The following HAVCR1 variants were observed in gnomAD, a reference collection of about 807,000 sequenced individuals.
HAVCR1 encodes hepatitis A virus cellular receptor 1.
Under a neutral mutation model 32.0 loss-of-function variants are expected in HAVCR1, and 34 were observed. That is an observed-to-expected ratio of 1.06 (90% CI 0.81 to 1.42). HAVCR1 has a LOEUF of 1.42. Ranked by LOEUF, HAVCR1 falls within the 40% of genes most tolerant of loss-of-function variation. The pLI is 0.00. For synonymous variants in HAVCR1, 178 were observed against 170.3 expected, an observed-to-expected ratio of 1.05 and a Z score of -0.35; for missense variants, 420 against 442.3, an observed-to-expected ratio of 0.95 and a Z score of 0.45.
intron 6 of HAVCR1, among the ~76,000 whole-genome samples, chr5:157,039,079 C>T (rs1486071418): frequency 6.6e-6 from 1 of 152,190 alleles, no homozygotes; most frequent in African/African-American, 2.4e-5. Flanking sequence ...GTGATCGTGC[C>T]ACTGCACTCC....
chr5:157,047,005 A>G (rs1755439375), intron 5 of HAVCR1, among the ~76,000 whole-genome samples: 1 of 152,172 alleles, frequency 6.6e-6, no homozygotes, highest in Non-Finnish European at 1.5e-5. Flanking sequence ...ACATACATAT[A>G]TAGATAGATA....
At chr5:157,039,149 T>A (rs148892944) in intron 6 of HAVCR1, among the ~76,000 whole-genome samples, 86 of 152,250 alleles carry the variant, frequency 5.6e-4, no homozygotes, top group Non-Finnish European at 1.1e-3. Flanking sequence ...AACTTTAACA[T>A]CCAGAAATGA....
upstream of HAVCR1, among the ~76,000 whole-genome samples, chr5:157,063,761 T>G (rs180713609): frequency 5.5e-4 from 83 of 152,146 alleles, no homozygotes; most frequent in Middle Eastern, 3.4e-3. Context: ...GAGTTGCAAT[T>G]TTAAACAAGG....
At chr5:157,066,155 G>A in the HAVCR1 span, among the ~76,000 whole-genome samples, 2 of 150,946 alleles carry the variant, frequency 1.3e-5, no homozygotes, top group African/African-American at 4.9e-5. Flanking sequence ...GGTCCTAGAA[G>A]CCAAGTGAAG....
chr5:157,032,972 T>C, intron 7 of HAVCR1, 85 bp from the exon 8 acceptor site: 1 of 852,480 alleles, frequency 1.2e-6, no homozygotes, highest in Non-Finnish European at 1.9e-6. Flanking sequence ...CAATCAAGTG[T>C]ATTATTTCTG....
At chr5:157,058,656 T>C (rs1756380479) in intron 1 of HAVCR1, among the ~76,000 whole-genome samples, 1 of 152,186 alleles carries the variant, frequency 6.6e-6, no homozygotes, top group African/African-American at 2.4e-5. Flanking sequence ...ATGCCAGCCT[T>C]CCAGTGGCAG....
intron 6 of HAVCR1, among the ~76,000 whole-genome samples, chr5:157,037,901 C>A (rs565743468): frequency 2.4e-4 from 37 of 152,092 alleles, no homozygotes; most frequent in African/African-American, 8.4e-4. Flanking sequence ...GTAATCCCAG[C>A]TACTTGGGAG....
intron 4 of HAVCR1, among the ~76,000 whole-genome samples, chr5:157,050,209 A>C (rs1478839191): frequency 2.0e-5 from 3 of 152,200 alleles, no homozygotes; most frequent in African/African-American, 7.2e-5. Context: ...AACCTGTAAG[A>C]GGATGTGGCT....
At chr5:157,068,695 C>T in the HAVCR1 span, among the ~76,000 whole-genome samples, 1 of 150,324 alleles carries the variant, frequency 6.7e-6, no homozygotes, top group Non-Finnish European at 1.5e-5. Flanking sequence ...TCACTTCATC[C>T]TCCACCTCCC....
In HAVCR1 at chr5:157,052,553, CA is replaced by C. The variant is rs1755818315; in HGVS notation, c.480del (p.Val161PhefsTer10). 1 of 231,072 alleles carries C rather than the reference CA, an allele frequency of 4.3e-6. No individual in the cohort carries two copies. Among genetic ancestry groups the C allele is most frequent in the Non-Finnish European group, 5.8e-6 (1 of 173,194 alleles). The allele number at this position is 231,072 out of a possible 1,614,324, so 14.3% of individuals were successfully genotyped here. On this transcript the variant is annotated frameshift_variant, in exon 4 of 9. Coordinates refer to ENST00000523175, the MANE Select transcript of HAVCR1 (RefSeq NM_001173393.3). LOFTEE classifies it high-confidence loss of function. ...GTTGTTGGAACAGTTGTCGTTGGAA[CA>C]GTCGTCATTGGAACAGTCGTTGTCG... is the stretch of plus-strand genomic sequence containing the variant. ...VPTTTTVPMT[T>X]VPTTTVPTTM... is the part of the protein sequence containing the mutation.
chr5:157,042,664 G>C lies in HAVCR1; in HGVS notation c.800C>G (p.Thr267Arg), dbSNP rs1343773360. The C allele has an allele frequency of 1.3e-6, 2 of 1,591,472 alleles. No individual in the cohort carries two copies. The highest frequency in any genetic ancestry group is 1.7e-5 in the Admixed American group (1 of 59,574). The change falls in exon 6 of 9, where the codon ACA (threonine) becomes AGA (arginine). Residue 267 changes from threonine to arginine, a missense_variant. Coordinates refer to ENST00000523175, the MANE Select transcript of HAVCR1 (RefSeq NM_001173393.3). The part of the protein sequence containing the change: ...SYTTDGNDTV[T>R]ESSDGLWNNN... Reference sequence around the variant, plus strand: ...ATTCCAAAGGCCATCTGAAGACTCTGTCACGGTGTCATTCCCATCTACTCA... The same window carrying C: ...ATTCCAAAGGCCATCTGAAGACTCTCTCACGGTGTCATTCCCATCTACTCA...
chr5:157,055,701 A>G (rs1756087844), intron 2 of HAVCR1, among the ~76,000 whole-genome samples, 168 bp from the exon 3 acceptor site: 2 of 151,978 alleles, frequency 1.3e-5, no homozygotes, highest in African/African-American at 4.8e-5. Flanking sequence ...CCCGATCTCT[A>G]CTAAAAAAAA....
intron 3 of HAVCR1, among the ~76,000 whole-genome samples, chr5:157,053,636 G>A (rs1266888974): frequency 6.6e-6 from 1 of 152,156 alleles, no homozygotes; most frequent in South Asian, 2.1e-4. Flanking sequence ...TTGGGAGGCC[G>A]AGGCGGGTAG....
intron 5 of HAVCR1, among the ~76,000 whole-genome samples, chr5:157,044,113 C>T (rs774309630): frequency 1.3e-5 from 2 of 152,044 alleles, no homozygotes; most frequent in Non-Finnish European, 2.9e-5. Flanking sequence ...AGGCAGATCC[C>T]TTGAAGTCAG....
chr5:157,032,868 C>T lies in HAVCR1; in HGVS notation c.972G>A (p.Glu324=), dbSNP rs749450406. Residue 324 remains glutamate (E), a synonymous_variant, in exon 8 of 9, where the codon GAG becomes GAA. Transcript: ENST00000523175. ...IIAKKYFFKK[E]VQQLSVSFSS... is the part of the protein sequence containing the mutation. ...TTCGAGCTTACCTTAGTTGTTGAAC[C>T]TCCTTTTTGAAGAAATACTCTAAAT... is the stretch of plus-strand genomic sequence containing the variant. 4.4e-6 allele frequency: 7 copies of T among 1,576,552 alleles called. No homozygotes were observed. Among genetic ancestry groups the T allele is most frequent in the Non-Finnish European group, 6.1e-6 (7 of 1,150,736 alleles).
At chr5:157,041,938 A>G (rs945296443) in intron 6 of HAVCR1, among the ~76,000 whole-genome samples, 1 of 152,098 alleles carries the variant, frequency 6.6e-6, no homozygotes, top group African/African-American at 2.4e-5. Context: ...GTGCGCCTGT[A>G]GTCCCAACTA....
intron 8 of HAVCR1, among the ~76,000 whole-genome samples, chr5:157,031,787 G>A (rs1490999486): frequency 8.2e-6 from 1 of 122,556 alleles, no homozygotes; most frequent in African/African-American, 3.1e-5. Flanking sequence ...TTCCAGCCTG[G>A]GTGTCTCAAA....
Position 157,055,410 on chromosome 5 carries a change from CAT to C in HAVCR1, c.168_169del (p.Cys57ProfsTer21). On this transcript the variant is annotated frameshift_variant, in exon 3 of 9. Coordinates refer to ENST00000523175, the MANE Select transcript of HAVCR1 (RefSeq NM_001173393.3). LOFTEE classifies it high-confidence loss of function. The stretch of plus-strand genomic sequence containing the variant: ...ATTGGTCCAGACAATGCCATTTTGG[CAT>C]GTGAATAGAGAACATGAGCCTCTAT... 1.2e-6 allele frequency: 2 copies of C among 1,613,060 alleles called. 1 individual carries two copies. The highest frequency in any genetic ancestry group is 2.2e-5 in the South Asian group (2 of 91,060).
At chr5:157,037,133 G>A in intron 7 of HAVCR1, 114 bp downstream of exon 7, 2 of 717,566 alleles carry the variant, frequency 2.8e-6, no homozygotes, top group South Asian at 3.2e-5. Context: ...GAGGATTTGG[G>A]GAGACAAAGG....
Sources: gnomAD v4.1 joint callset for allele counts (sites outside exome capture counted in the v4.1 genomes callset) on GRCh38, gnomAD v4.1.1 for gene constraint, MANE v1.5 for transcripts, NCBI Gene and HGNC (gene_info 2026-07-23, HGNC 2026-07-21) for gene names.